ERC2: variants seen among roughly 807,000 people sequenced by gnomAD.
The protein encoded by ERC2 is ELKS/RAB6-interacting/CAST family member 2, also known as ERC protein 2.
In ERC2, 42 loss-of-function variants were observed where a neutral mutation model predicts 114.8. The ratio of observed to expected loss-of-function variants is 0.37; its 90% confidence interval spans 0.29 to 0.47. The LOEUF (loss-of-function observed/expected upper bound fraction) is 0.47. Ranked by LOEUF, ERC2 falls within the 20% of genes least tolerant of loss-of-function variation. The probability of loss-of-function intolerance (pLI) is 0.99; values close to 1 mark genes in which losing one functional copy is unlikely to be tolerated. For synonymous variants in ERC2, 454 were observed against 425.5 expected (o/e 1.07, Z -0.82); for missense variants, 939 against 1,150.7 (o/e 0.82, Z 2.66).
At chr3:55,936,038 A>G (rs1423667326) in intron 13 of ERC2, among the ~76,000 whole-genome samples, 5 of 152,244 alleles carry the variant, frequency 3.3e-5, no homozygotes, top group Non-Finnish European at 5.9e-5. Flanking sequence ...AATAATTAAT[A>G]GTAATTATCT....
At chr3:55,916,372 A>G (rs776446202) in intron 13 of ERC2, among the ~76,000 whole-genome samples, 26 of 152,164 alleles carry the variant, frequency 1.7e-4, no homozygotes, top group Non-Finnish European at 2.9e-4. Flanking sequence ...GATTTTTCAC[A>G]ACACAAGGAA....
intron 16 of ERC2, among the ~76,000 whole-genome samples, chr3:55,697,546 A>G (rs2062996745): frequency 6.6e-6 from 1 of 152,166 alleles, no homozygotes; most frequent in Non-Finnish European, 1.5e-5. Flanking sequence ...ACCTCTCTGG[A>G]AAAGTAGCAG....
intron 17 of ERC2, among the ~76,000 whole-genome samples, chr3:55,573,601 G>A (rs4538346): frequency 0.19 from 28,247 of 151,986 alleles, 2,721 homozygotes; most frequent in South Asian, 0.24. Flanking sequence ...CATGTGGTTC[G>A]TCACAATTTT....
chr3:56,158,595 C>T (rs758605642), intron 4 of ERC2, among the ~76,000 whole-genome samples: 98 of 152,196 alleles, frequency 6.4e-4, no homozygotes, highest in Non-Finnish European at 1.1e-3. Flanking sequence ...CACCACAACC[C>T]GTACAGGCTA....
chr3:55,926,567 T>G (rs1401467731), intron 13 of ERC2, among the ~76,000 whole-genome samples: 1 of 152,222 alleles, frequency 6.6e-6, no homozygotes, highest in Non-Finnish European at 1.5e-5. Flanking sequence ...TTCCATGGAC[T>G]ACAGAACAGT....
At chr3:56,125,063 T>C (rs1226885505) in intron 6 of ERC2, among the ~76,000 whole-genome samples, 2 of 152,194 alleles carry the variant, frequency 1.3e-5, no homozygotes, top group Non-Finnish European at 2.9e-5. Flanking sequence ...TTCCTTCTTC[T>C]AGACTGGGAT....
chr3:55,686,991 G>T (rs1201617244), intron 16 of ERC2, among the ~76,000 whole-genome samples: 1 of 152,208 alleles, frequency 6.6e-6, no homozygotes, highest in Non-Finnish European at 1.5e-5. Context: ...AGGGGAGGAG[G>T]TTTAACTATC....
At chr3:56,232,134 CTTT>C (rs1201613428) in intron 3 of ERC2, among the ~76,000 whole-genome samples, 7 of 128,122 alleles carry the variant, frequency 5.5e-5, no homozygotes, top group Admixed American at 2.4e-4. Flanking sequence ...CCACTCCTGG[CTTT>C]TTTTTTTTTT....
intron 13 of ERC2, among the ~76,000 whole-genome samples, chr3:55,917,969 A>C (rs1022060696): frequency 3.3e-5 from 5 of 151,936 alleles, no homozygotes; most frequent in South Asian, 2.1e-4. Flanking sequence ...TAACAGAGAA[A>C]CACTGAAATC....
intron 17 of ERC2, chr3:55,610,857 G>GA: frequency 1.3e-5 from 2 of 152,352 alleles, no homozygotes; most frequent in Middle Eastern, 3.4e-3. Flanking sequence ...ACTTAGAAAT[G>GA]AAAAGCAGTG....
intron 10 of ERC2, among the ~76,000 whole-genome samples, chr3:55,996,138 T>C (rs2071492318): frequency 6.6e-6 from 1 of 152,206 alleles, no homozygotes; most frequent in Non-Finnish European, 1.5e-5. Flanking sequence ...AAATTGAAAA[T>C]GCACAGTAAT....
At chr3:56,460,317 TGA>T (rs1319883254) in intron 1 of ERC2, among the ~76,000 whole-genome samples, 1 of 152,182 alleles carries the variant, frequency 6.6e-6, no homozygotes, top group East Asian at 1.9e-4. Flanking sequence ...TTAGCAGCCT[TGA>T]GAGTAAGGCA....
intron 11 of ERC2, among the ~76,000 whole-genome samples, chr3:55,988,493 T>C (rs369766012): frequency 2.7e-4 from 41 of 152,346 alleles, no homozygotes; most frequent in African/African-American, 9.1e-4. Flanking sequence ...ATTGTGTAAA[T>C]GCCAGCCATG....
intron 17 of ERC2, among the ~76,000 whole-genome samples, chr3:55,573,499 A>C (rs1288782482): frequency 2.0e-5 from 3 of 152,230 alleles, no homozygotes; most frequent in Non-Finnish European, 4.4e-5. Flanking sequence ...GGTCTGCAGC[A>C]GCAGCACCAA....
chr3:56,441,105 C>G (rs2062284671), intron 1 of ERC2, among the ~76,000 whole-genome samples: 1 of 152,222 alleles, frequency 6.6e-6, no homozygotes, highest in Admixed American at 6.5e-5. Context: ...TGGTTTTGCT[C>G]TCTTAAAACT....
intron 2 of ERC2, among the ~76,000 whole-genome samples, chr3:56,399,246 C>A (rs141798514): frequency 6.6e-6 from 1 of 152,166 alleles, no homozygotes; most frequent in Non-Finnish European, 1.5e-5. Flanking sequence ...TTAGAGCCTG[C>A]GTACTTCTAT....
rs149007878 is a variant in ERC2 at position 56,111,110 on chromosome 3, T to C, written c.1473+28399A>G. Among the ~76,000 whole-genome samples the C allele has an allele frequency of 5.3e-3, 800 of 152,188 alleles. 13 individuals are homozygous for C. Among genetic ancestry groups the C allele is most frequent in the African/African-American group, 0.019 (769 of 41,538 alleles). The stretch of plus-strand genomic sequence containing the variant: ...CCATTATAGACCCCAGAAAGTTATG[T>C]GTGAAGGAATGTGTCCTGGTGTGTC... On this transcript the variant is annotated intron_variant, in intron 6 of 17. Coordinates refer to ENST00000288221, the MANE Select transcript of ERC2 (RefSeq NM_015576.3).
intron 15 of ERC2, among the ~76,000 whole-genome samples, chr3:55,723,819 C>T (rs556226140): frequency 3.3e-5 from 5 of 152,162 alleles, no homozygotes; most frequent in Non-Finnish European, 7.3e-5. Context: ...TTTAACACAG[C>T]TTTTCAAGGG....
chr3:55,556,945 C>G (rs1396339986), intron 17 of ERC2, among the ~76,000 whole-genome samples: 1 of 152,186 alleles, frequency 6.6e-6, no homozygotes, highest in Non-Finnish European at 1.5e-5. Context: ...TACTGCAAGT[C>G]TACTACATGC....
Sources: gnomAD v4.1 joint callset for allele counts (sites outside exome capture counted in the v4.1 genomes callset) on GRCh38, gnomAD v4.1.1 for gene constraint, MANE v1.5 for transcripts, NCBI Gene and HGNC (gene_info 2026-07-23, HGNC 2026-07-21) for gene names.